Variants in NIBAN1 observed in about 807,000 individuals in gnomAD.
NIBAN1 encodes the protein protein Niban 1.
A neutral mutation model predicts 75.1 loss-of-function variants in NIBAN1; 81 were observed. The ratio of observed to expected loss-of-function variants is 1.08; its 90% confidence interval spans 0.90 to 1.30. NIBAN1 has a LOEUF of 1.30. NIBAN1 is among the 50% of genes most tolerant of loss of function. The pLI is 0.00. For synonymous variants in NIBAN1, 436 were observed against 424.8 expected, an observed-to-expected ratio of 1.03 and a Z score of -0.32; for missense variants, 1,133 against 1,128.1, an observed-to-expected ratio of 1.00 and a Z score of -0.06.
chr1:184,805,933 A>C lies in NIBAN1; in HGVS notation c.1446+13T>G. 1.2e-6 allele frequency: 2 copies of C among 1,603,298 alleles called. No individual in the cohort carries two copies. The highest frequency in any genetic ancestry group is 1.7e-6 in the Non-Finnish European group (2 of 1,170,130). The stretch of plus-strand genomic sequence containing the variant: ...TCTTTTTATGCTTCCCACAAACAAG[A>C]GAACGGTTTTACCTTTAAGACTCGG... On this transcript the variant is annotated intron_variant, in intron 11 of 13. Coordinates refer to ENST00000367511, the MANE Select transcript of NIBAN1 (RefSeq NM_052966.4).
At chr1:184,826,049 G>A (rs1037621942) in intron 6 of NIBAN1, among the ~76,000 whole-genome samples, 2 of 152,218 alleles carry the variant, frequency 1.3e-5, no homozygotes, top group Non-Finnish European at 2.9e-5. Context: ...CTCTGTCGCA[G>A]CAAGGTGTAA....
rs1396965391 is a variant in NIBAN1 at position 184,823,348 on chromosome 1, C to T, written c.823-19G>A. ...CGAGGAGCTGCAACAAGGAATAACA[C>T]ATAAATCAGGGCTCTGTCACGTGTA... On this transcript the variant is annotated intron_variant, in intron 7 of 13. Transcript: ENST00000367511. 1.2e-6 allele frequency: 2 copies of T among 1,613,390 alleles called. No homozygotes were observed. The highest frequency in any genetic ancestry group is 2.2e-5 in the South Asian group (2 of 90,994).
At chr1:184,838,429 C>T (rs139837464) in intron 5 of NIBAN1, among the ~76,000 whole-genome samples, 5 of 152,240 alleles carry the variant, frequency 3.3e-5, no homozygotes, top group Admixed American at 1.3e-4. Flanking sequence ...CCCTGAGAAA[C>T]GATAAGCATT....
chr1:184,820,283 A>G (rs1469348518), intron 8 of NIBAN1, among the ~76,000 whole-genome samples: 1 of 152,232 alleles, frequency 6.6e-6, no homozygotes, highest in African/African-American at 2.4e-5. Context: ...AAGATCTAGC[A>G]GCAGATGGCA....
intron 1 of NIBAN1, among the ~76,000 whole-genome samples, chr1:184,914,921 A>C (rs923596712): frequency 6.6e-6 from 1 of 151,930 alleles, no homozygotes; most frequent in African/African-American, 2.4e-5. Flanking sequence ...ACGGGTTTTC[A>C]CCATGTTAGC....
chr1:184,822,465 T>C (rs573104965), intron 8 of NIBAN1, among the ~76,000 whole-genome samples: 1 of 152,356 alleles, frequency 6.6e-6, no homozygotes, highest in East Asian at 1.9e-4. Context: ...TGAATGTGCC[T>C]GGCTGTGTGC....
intron 9 of NIBAN1, among the ~76,000 whole-genome samples, chr1:184,817,649 C>A (rs192583979): frequency 1.5e-4 from 23 of 152,262 alleles, no homozygotes; most frequent in Admixed American, 1.5e-3. Flanking sequence ...TTTCATGTGT[C>A]TGTTGGCTAC....
At chr1:184,832,413 A>G (rs1655023987) in intron 5 of NIBAN1, among the ~76,000 whole-genome samples, 1 of 152,234 alleles carries the variant, frequency 6.6e-6, no homozygotes, top group Non-Finnish European at 1.5e-5. Context: ...ATATGCATCA[A>G]CACAACATGC....
At chr1:184,853,827 A>G (rs970632443) in intron 5 of NIBAN1, among the ~76,000 whole-genome samples, 2 of 152,178 alleles carry the variant, frequency 1.3e-5, no homozygotes, top group Admixed American at 6.5e-5. Flanking sequence ...GCCCTCTCCC[A>G]GGGTAAGAGA....
chr1:184,868,732 A>AT (rs138162068), intron 5 of NIBAN1, among the ~76,000 whole-genome samples: 2 of 116,084 alleles, frequency 1.7e-5, no homozygotes, highest in Admixed American at 1.6e-4. Flanking sequence ...ATGAGATTAG[A>AT]TTTTTTTTAA....
intron 9 of NIBAN1, among the ~76,000 whole-genome samples, chr1:184,815,501 T>G (rs1654501755): frequency 6.6e-6 from 1 of 152,310 alleles, no homozygotes. Flanking sequence ...ACATCCTTGA[T>G]GTGAACAGTT....
At chr1:184,903,086 T>A (rs1221616288) in intron 1 of NIBAN1, among the ~76,000 whole-genome samples, 1 of 152,266 alleles carries the variant, frequency 6.6e-6, no homozygotes, top group Non-Finnish European at 1.5e-5. Flanking sequence ...ATTCCTTTCA[T>A]ATCCCTGTCA....
intron 5 of NIBAN1, among the ~76,000 whole-genome samples, chr1:184,869,867 C>T (rs772226585): frequency 6.6e-6 from 1 of 152,090 alleles, no homozygotes; most frequent in Non-Finnish European, 1.5e-5. Context: ...TTTTATTGTG[C>T]TGTTGAATAT....
chr1:184,870,489 T>C (rs1340610092), intron 5 of NIBAN1, among the ~76,000 whole-genome samples: 1 of 152,144 alleles, frequency 6.6e-6, no homozygotes, highest in Non-Finnish European at 1.5e-5. Context: ...CTCGAAAAAG[T>C]TCTGAACGTC....
intron 1 of NIBAN1, among the ~76,000 whole-genome samples, chr1:184,907,283 C>T (rs1385272777): frequency 1.3e-5 from 2 of 151,532 alleles, no homozygotes; most frequent in Non-Finnish European, 2.9e-5. Context: ...GTGAAACATA[C>T]AGAAATAAAT....
rs141082620 is a variant in NIBAN1 at position 184,795,698 on chromosome 1, G to T, written c.2066C>A (p.Thr689Asn). The T allele has an allele frequency of 1.0e-4, 162 of 1,613,892 alleles. No individual in the cohort carries two copies. The highest frequency in any genetic ancestry group is 4.9e-4 in the Middle Eastern group (3 of 6,082). Residue 689 changes from threonine to asparagine, a missense_variant, in exon 14 of 14, where the codon ACC becomes AAC. Physicochemically the swap from Thr to Asn is moderately conservative, Grantham distance 65 (BLOSUM62 0). Transcript: ENST00000367511. The stretch of plus-strand genomic sequence containing the variant: ...CTGGGCGGGTTCTTCATCCTCAAGG[G>T]TCCCTCCAAACTCCAGCTCTGATGA... ...TCSSELEFGG[T>N]LEDEEPAQEE...
intron 1 of NIBAN1, among the ~76,000 whole-genome samples, chr1:184,965,150 T>G (rs2102086814): frequency 6.6e-6 from 1 of 152,074 alleles, no homozygotes; most frequent in East Asian, 1.9e-4. Context: ...ATACAAAAAA[T>G]TAGCCAGGTG....
chr1:184,860,273 G>C (rs1281742441), intron 5 of NIBAN1, among the ~76,000 whole-genome samples: 1 of 151,768 alleles, frequency 6.6e-6, no homozygotes, highest in East Asian at 1.9e-4. Flanking sequence ...CACTGCGGCG[G>C]GGGCGGGGGG....
chr1:184,937,461 G>A (rs144418111), intron 1 of NIBAN1, among the ~76,000 whole-genome samples: 1 of 152,044 alleles, frequency 6.6e-6, no homozygotes, highest in South Asian at 2.1e-4. Context: ...CCACCACAAA[G>A]AAAAGAATAT....
Sources: gnomAD v4.1 joint callset for allele counts (sites outside exome capture counted in the v4.1 genomes callset) on GRCh38, gnomAD v4.1.1 for gene constraint, MANE v1.5 for transcripts, NCBI Gene and HGNC (gene_info 2026-07-23, HGNC 2026-07-21) for gene names.